Variants in LIMCH1 observed in about 807,000 individuals in gnomAD.
The protein encoded by LIMCH1 is LIM and calponin homology domains-containing protein 1.
A neutral mutation model predicts 176.5 loss-of-function variants in LIMCH1; 113 were observed. The observed-to-expected ratio is 0.64, with a 90% CI of 0.55 to 0.75. The LOEUF (loss-of-function observed/expected upper bound fraction) is 0.75, where lower values mean the gene tolerates loss of function less well. Among genes scored for constraint, LIMCH1 ranks in the 30% least tolerant of loss-of-function variants. LIMCH1 has a pLI of 0.00. For synonymous variants in LIMCH1, 619 were observed against 645.9 expected (o/e 0.96, Z 0.63); for missense variants, 1,674 against 1,814.9 (o/e 0.92, Z 1.41).
intron 1 of LIMCH1, among the ~76,000 whole-genome samples, chr4:41,361,801 G>T (rs888972084): frequency 6.6e-6 from 1 of 151,800 alleles, no homozygotes; most frequent in Non-Finnish European, 1.5e-5. Flanking sequence ...GGTTCAGGAC[G>T]CTTGAAGGGC....
At chr4:41,442,742 C>T (rs1028719505) in intron 1 of LIMCH1, among the ~76,000 whole-genome samples, 1 of 152,210 alleles carries the variant, frequency 6.6e-6, no homozygotes, top group Non-Finnish European at 1.5e-5. Context: ...TGGAAATTAA[C>T]TATGGATTGA....
At chr4:41,361,932 C>G (rs766198722) in intron 1 of LIMCH1, among the ~76,000 whole-genome samples, 5 of 152,124 alleles carry the variant, frequency 3.3e-5, no homozygotes, top group Non-Finnish European at 7.4e-5. Flanking sequence ...GACAAGCAGC[C>G]CTCTTTGCCT....
intron 7 of LIMCH1, among the ~76,000 whole-genome samples, chr4:41,620,943 T>C (rs538547904): frequency 3.2e-4 from 48 of 152,380 alleles, no homozygotes; most frequent in African/African-American, 1.0e-3. Flanking sequence ...GTCTTTGTCA[T>C]GTATTTGTGA....
intron 1 of LIMCH1, among the ~76,000 whole-genome samples, chr4:41,484,889 G>T (rs1469749265): frequency 1.3e-5 from 2 of 152,010 alleles, no homozygotes; most frequent in Admixed American, 1.3e-4. Flanking sequence ...CTACCAGATT[G>T]CTTTCAAAAA....
intron 14 of LIMCH1, 70 bp from the exon 15 acceptor site, chr4:41,644,430 C>T (rs990255609): frequency 3.5e-6 from 5 of 1,410,768 alleles, no homozygotes; most frequent in Admixed American, 3.1e-5. Flanking sequence ...CGCGGCAGGA[C>T]GCCCAGGCGC....
chr4:41,692,310 A>G lies in LIMCH1; in HGVS notation c.4304A>G (p.Asp1435Gly). The change falls in exon 31 of 32, where the codon GAT (aspartate) becomes GGT (glycine). Residue 1435 changes from aspartate (D) to glycine (G), a missense_variant. This residue lies in a region of LIMCH1 where 1,015 missense variants were observed against 1,102.5 expected (regional missense o/e 0.92). Transcript: ENST00000503057. ...RCGICKGQLGDAVSGTDVRIR... is the reference protein window; with the variant it reads ...RCGICKGQLGGAVSGTDVRIR... ...GGAATTTGTAAAGGCCAGCTTGGAG[A>G]TGCAGTGAGTGGGACGGATGTTAGG... The G allele has an allele frequency of 6.2e-7, 1 of 1,613,114 alleles. No individual in the cohort carries two copies. Among genetic ancestry groups the G allele is most frequent in the South Asian group, 1.1e-5 (1 of 91,052 alleles).
At chr4:41,468,533 C>T (rs2066494622) in intron 1 of LIMCH1, among the ~76,000 whole-genome samples, 1 of 151,056 alleles carries the variant, frequency 6.6e-6, no homozygotes, top group African/African-American at 2.4e-5. Flanking sequence ...TTAATGTGAA[C>T]ATTCATACAT....
chr4:41,462,133 G>C (rs2065457192), intron 1 of LIMCH1, among the ~76,000 whole-genome samples: 1 of 152,178 alleles, frequency 6.6e-6, no homozygotes, highest in South Asian at 2.1e-4. Flanking sequence ...GAAATCAAGT[G>C]CTGAACTTTG....
intron 7 of LIMCH1, among the ~76,000 whole-genome samples, chr4:41,621,422 G>A (rs1276206738): frequency 2.0e-5 from 3 of 151,974 alleles, no homozygotes; most frequent in Admixed American, 6.6e-5. Flanking sequence ...ACAAATAATA[G>A]TGCAGCCAAA....
intron 1 of LIMCH1, among the ~76,000 whole-genome samples, chr4:41,479,358 C>T (rs1422414979): frequency 6.6e-6 from 1 of 152,136 alleles, no homozygotes; most frequent in Admixed American, 6.5e-5. Context: ...CTCAAGCTGT[C>T]CTCTTGCCTC....
intron 1 of LIMCH1, among the ~76,000 whole-genome samples, chr4:41,574,718 T>C (rs1312954619): frequency 6.6e-6 from 1 of 152,206 alleles, no homozygotes; most frequent in African/African-American, 2.4e-5. Flanking sequence ...CAAATGTGGC[T>C]CGAGTATTCT....
intron 20 of LIMCH1, among the ~76,000 whole-genome samples, chr4:41,664,655 A>T (rs1042667748): frequency 6.6e-6 from 1 of 152,206 alleles, no homozygotes; most frequent in African/African-American, 2.4e-5. Context: ...ACTGAAAGGA[A>T]AAATCTGTAT....
intron 1 of LIMCH1, among the ~76,000 whole-genome samples, chr4:41,476,235 TGTTG>T (rs796084676): frequency 5.3e-5 from 8 of 152,340 alleles, no homozygotes; most frequent in African/African-American, 1.9e-4. Context: ...TCCCATTGTT[TGTTG>T]GTTGGTTGGT....
intron 21 of LIMCH1, among the ~76,000 whole-genome samples, chr4:41,666,894 A>G (rs532411510): frequency 2.6e-5 from 4 of 152,328 alleles, no homozygotes; most frequent in African/African-American, 9.6e-5. Context: ...TTGGTCAGCC[A>G]GGCACTATAG....
At chr4:41,620,043 T>A (rs2092444908) in intron 6 of LIMCH1, 1 of 206,302 alleles carries the variant, frequency 4.8e-6, no homozygotes, top group African/African-American at 2.3e-5. Flanking sequence ...CAATAACAAA[T>A]AAGGCAGAGT....
intron 3 of LIMCH1, among the ~76,000 whole-genome samples, chr4:41,526,280 C>A (rs1446447652): frequency 6.8e-6 from 1 of 147,950 alleles, no homozygotes; most frequent in Non-Finnish European, 1.5e-5. Context: ...TTTTTTTGCC[C>A]CTTTCAATGA....
intron 1 of LIMCH1, among the ~76,000 whole-genome samples, chr4:41,583,202 C>T (rs2085831330): frequency 6.6e-6 from 1 of 152,208 alleles, no homozygotes; most frequent in African/African-American, 2.4e-5. Context: ...CAAAGCCCCA[C>T]ACACCTTATA....
intron 7 of LIMCH1, among the ~76,000 whole-genome samples, chr4:41,622,793 C>T (rs1305351311): frequency 1.3e-5 from 2 of 152,190 alleles, no homozygotes; most frequent in African/African-American, 4.8e-5. Context: ...TAATTTTAAC[C>T]TATTTCATCC....
intron 7 of LIMCH1, among the ~76,000 whole-genome samples, chr4:41,624,532 T>A (rs950997163): frequency 2.0e-5 from 3 of 147,118 alleles, no homozygotes; most frequent in East Asian, 2.2e-4. Context: ...CACAAGTAAT[T>A]GCGGTTTTGC....
Sources: allele counts gnomAD v4.1 joint callset (sites outside exome capture counted in the v4.1 genomes callset), GRCh38; gene constraint gnomAD v4.1.1; regional missense constraint gnomAD v4.1.1; transcripts MANE v1.5; gene names NCBI Gene and HGNC (gene_info 2026-07-23, HGNC 2026-07-21).